The following ANKFN1 variants were observed in gnomAD, a reference collection of about 807,000 sequenced individuals.
ANKFN1 encodes the protein ankyrin repeat and fibronectin type-III domain-containing protein 1.
ANKFN1 carries 74 observed loss-of-function variants against 108.7 expected under a neutral mutation model. The ratio of observed to expected loss-of-function variants is 0.68; its 90% CI spans 0.56 to 0.83. ANKFN1 has a LOEUF of 0.83. Among genes scored for constraint, ANKFN1 ranks in the 40% least tolerant of loss-of-function variants. The pLI is 0.00. For missense variants in ANKFN1, 1,505 were observed against 1,382.3 expected (o/e 1.09, Z -1.41); for synonymous variants, 547 against 516.2 (o/e 1.06, Z -0.81).
chr17:56,309,516 TG>T (rs1315970504), intron 3 of ANKFN1, among the ~76,000 whole-genome samples: 1 of 152,166 alleles, frequency 6.6e-6, no homozygotes, highest in African/African-American at 2.4e-5. Flanking sequence ...TTTTCTCTAT[TG>T]TTTTTCTATT....
chr17:56,154,989 G>A (rs1055977170), intron 1 of ANKFN1, among the ~76,000 whole-genome samples: 10 of 152,170 alleles, frequency 6.6e-5, no homozygotes, highest in African/African-American at 1.7e-4. Flanking sequence ...GAGTTTAAAC[G>A]AGAACAGTGT....
intron 4 of ANKFN1, among the ~76,000 whole-genome samples, chr17:56,083,345 G>T (rs10515123): frequency 0.51 from 76,893 of 150,830 alleles, 22,968 homozygotes; most frequent in Non-Finnish European, 0.66. Flanking sequence ...TTAGACATAT[G>T]CTTGGGACTA....
intron 3 of ANKFN1, among the ~76,000 whole-genome samples, chr17:56,243,355 G>A (rs984057799): frequency 6.6e-6 from 1 of 152,036 alleles, no homozygotes; most frequent in Non-Finnish European, 1.5e-5. Flanking sequence ...TTATGCTCCT[G>A]CTCCATGGTG....
upstream of ANKFN1, among the ~76,000 whole-genome samples, chr17:56,149,158 G>C (rs746077416): frequency 2.0e-5 from 3 of 152,044 alleles, no homozygotes; most frequent in African/African-American, 7.2e-5. Flanking sequence ...AGTCTTTTCC[G>C]GTCATGTTTG....
intron 6 of ANKFN1, among the ~76,000 whole-genome samples, chr17:56,359,796 C>T (rs1269008804): frequency 6.6e-6 from 1 of 152,172 alleles, no homozygotes; most frequent in Non-Finnish European, 1.5e-5. Context: ...TAAACAAACA[C>T]ACTAGAAAGT....
intron 3 of ANKFN1, among the ~76,000 whole-genome samples, chr17:56,264,288 T>C (rs1290655943): frequency 6.6e-6 from 1 of 152,184 alleles, no homozygotes; most frequent in African/African-American, 2.4e-5. Context: ...GCAGAAGGAT[T>C]CCATTGATCT....
chr17:56,188,581 G>GTGTATATATA lies in ANKFN1; in HGVS notation c.-70-24016_-70-24015insGTATATATAT, dbSNP rs1212242378. On this transcript the variant is annotated intron_variant, in intron 1 of 20. Coordinates refer to ENST00000682825, the MANE Select transcript of ANKFN1 (RefSeq NM_001370326.1). ...TGTGTGTATGTGTGTGTGTGTGTGTGTATATATATATATATATATATATAT... is the reference window on the plus strand; with the variant it reads ...TGTGTGTATGTGTGTGTGTGTGTGTGTGTATATATATATATATATATATATATATATATAT... Among the ~76,000 whole-genome samples the GTGTATATATA allele has an allele frequency of 5.0e-3, 248 of 49,640 alleles. 4 individuals carry two copies. The highest frequency in any genetic ancestry group is 0.014 in the Middle Eastern group (1 of 74). 32.6% of individuals were successfully genotyped at this position (49,640 alleles called of 152,430 possible).
rs142412637 is a variant in ANKFN1 at position 56,464,934 on chromosome 17, G to A, written c.1558-1422G>A. Among the ~76,000 whole-genome samples the A allele has an allele frequency of 5.4e-3, 823 of 152,262 alleles. 4 individuals are homozygous for A. Among genetic ancestry groups the A allele is most frequent in the Non-Finnish European group, 8.5e-3 (578 of 68,020 alleles). On this transcript the variant is annotated intron_variant, in intron 14 of 20. Coordinates refer to ENST00000682825, the MANE Select transcript of ANKFN1 (RefSeq NM_001370326.1). Reference sequence around the variant, plus strand: ...AGTAAAGGTTTAATAGCAATGGTAGGCTGGAGCCAACCTGTACTGGCCCGA... The same window carrying A: ...AGTAAAGGTTTAATAGCAATGGTAGACTGGAGCCAACCTGTACTGGCCCGA...
intron 3 of ANKFN1, among the ~76,000 whole-genome samples, chr17:56,259,735 G>A (rs1300162925): frequency 1.3e-5 from 2 of 152,080 alleles, no homozygotes; most frequent in African/African-American, 2.4e-5. Flanking sequence ...CAATGACTCC[G>A]TAGTTAATGA....
At chr17:56,264,387 C>G (rs1337710424) in intron 3 of ANKFN1, among the ~76,000 whole-genome samples, 1 of 152,190 alleles carries the variant, frequency 6.6e-6, no homozygotes, top group Non-Finnish European at 1.5e-5. Context: ...GCATCACAAG[C>G]CTACTCTGCC....
chr17:56,138,596 G>A (rs1907732100), intron 4 of ANKFN1, among the ~76,000 whole-genome samples: 1 of 147,720 alleles, frequency 6.8e-6, no homozygotes, highest in Non-Finnish European at 1.5e-5. Flanking sequence ...TGTAACCTCT[G>A]CCTCCTGCAT....
chr17:56,286,286 A>G (rs946875577), intron 3 of ANKFN1, among the ~76,000 whole-genome samples: 2 of 152,130 alleles, frequency 1.3e-5, no homozygotes, highest in African/African-American at 4.8e-5. Context: ...TTAGGTATCT[A>G]TTGCTGCATA....
chr17:56,181,204 A>G (rs931572382), intron 1 of ANKFN1, among the ~76,000 whole-genome samples: 9 of 152,206 alleles, frequency 5.9e-5, no homozygotes, highest in African/African-American at 2.2e-4. Flanking sequence ...TTTTTCTTGC[A>G]TGAATGCCTT....
chr17:56,331,057 G>A (rs2045649044), intron 4 of ANKFN1, among the ~76,000 whole-genome samples: 1 of 152,152 alleles, frequency 6.6e-6, no homozygotes, highest in African/African-American at 2.4e-5. Flanking sequence ...AATGGAAAGA[G>A]TCTAACTTTC....
intron 16 of ANKFN1, among the ~76,000 whole-genome samples, chr17:56,480,342 A>C (rs987676910): frequency 6.6e-6 from 1 of 152,210 alleles, no homozygotes; most frequent in Non-Finnish European, 1.5e-5. Context: ...CTTAGAATTT[A>C]CAGGGGATCT....
chr17:56,259,509 C>T (rs972344950), intron 3 of ANKFN1, among the ~76,000 whole-genome samples: 3 of 152,156 alleles, frequency 2.0e-5, no homozygotes, highest in Admixed American at 2.0e-4. Flanking sequence ...TTGTCACTTA[C>T]TCTTAGACTT....
intron 3 of ANKFN1, among the ~76,000 whole-genome samples, chr17:56,279,746 G>T (rs573409505): frequency 3.0e-4 from 46 of 152,170 alleles, no homozygotes; most frequent in Admixed American, 9.2e-4. Flanking sequence ...GATTTTTAAG[G>T]TCTACACACA....
intron 18 of ANKFN1, among the ~76,000 whole-genome samples, chr17:56,484,692 G>T (rs548732390): frequency 6.6e-6 from 1 of 152,332 alleles, no homozygotes; most frequent in Non-Finnish European, 1.5e-5. Flanking sequence ...ATTAATAACA[G>T]CTGAAGCCAT....
At chr17:56,131,074 C>A (rs1907252749) in intron 4 of ANKFN1, among the ~76,000 whole-genome samples, 1 of 152,098 alleles carries the variant, frequency 6.6e-6, no homozygotes. Context: ...GCCGTAAAGA[C>A]TAAACCAGTA....
Sources: gnomAD v4.1 joint callset for allele counts (sites outside exome capture counted in the v4.1 genomes callset) on GRCh38, gnomAD v4.1.1 for gene constraint, MANE v1.5 for transcripts, NCBI Gene and HGNC (gene_info 2026-07-23, HGNC 2026-07-21) for gene names.